RARB: variants seen among roughly 807,000 people sequenced by gnomAD.
RARB encodes retinoic acid receptor beta, also known as HBV-activated protein.
RARB carries 17 observed loss-of-function variants against 51.9 expected under a neutral mutation model. The ratio of observed to expected loss-of-function variants is 0.33; its 90% CI spans 0.22 to 0.49. The LOEUF (loss-of-function observed/expected upper bound fraction) is 0.49. RARB is among the 20% of genes least tolerant of loss of function. The pLI is 0.99. For synonymous variants in RARB, 215 were observed against 195.4 expected, an observed-to-expected ratio of 1.10 and a Z score of -0.84; for missense variants, 369 against 550.8, an observed-to-expected ratio of 0.67 and a Z score of 3.30.
At chr3:24,891,215 A>C (rs1703372078) in intron 2 of RARB, among the ~76,000 whole-genome samples, 5 of 152,170 alleles carry the variant, frequency 3.3e-5, no homozygotes, top group African/African-American at 1.2e-4. Flanking sequence ...TCCTTTCTAC[A>C]TATATTCCTA....
chr3:25,311,787 T>C (rs1345936885), intron 5 of RARB, among the ~76,000 whole-genome samples: 2 of 152,222 alleles, frequency 1.3e-5, no homozygotes. Flanking sequence ...AGGGCACATA[T>C]GGTACATAGA....
intron 2 of RARB, among the ~76,000 whole-genome samples, chr3:25,037,238 G>T (rs1410025173): frequency 1.3e-5 from 2 of 150,332 alleles, no homozygotes; most frequent in Non-Finnish European, 3.0e-5. Flanking sequence ...ATTAAAGCAC[G>T]TTTTAAAGGA....
At chr3:25,328,860 C>T (rs1349201469) in intron 5 of RARB, among the ~76,000 whole-genome samples, 1 of 152,192 alleles carries the variant, frequency 6.6e-6, no homozygotes, top group Non-Finnish European at 1.5e-5. Flanking sequence ...TAGCAAATGG[C>T]ACACCAGGAG....
At chr3:24,857,937 T>C (rs1481156585) in intron 1 of RARB, among the ~76,000 whole-genome samples, 1 of 151,990 alleles carries the variant, frequency 6.6e-6, no homozygotes, top group East Asian at 1.9e-4. Context: ...TCCCCGCCCC[T>C]CAACCAAAAA....
At chr3:25,108,569 C>T (rs1207194872) in intron 3 of RARB, among the ~76,000 whole-genome samples, 2 of 152,028 alleles carry the variant, frequency 1.3e-5, no homozygotes, top group South Asian at 2.1e-4. Context: ...GACTCAGTCG[C>T]GTGGTCACAT....
At chr3:25,238,148 G>GCCCC (rs138491550) in intron 5 of RARB, among the ~76,000 whole-genome samples, 1 of 149,424 alleles carries the variant, frequency 6.7e-6, no homozygotes, top group South Asian at 2.1e-4. Context: ...TCATCCTCCA[G>GCCCC]CGCCCCCCCA....
At chr3:25,149,027 G>A (rs913732451) in intron 4 of RARB, among the ~76,000 whole-genome samples, 1 of 152,128 alleles carries the variant, frequency 6.6e-6, no homozygotes, top group African/African-American at 2.4e-5. Context: ...ATGCTAAGGA[G>A]TCAGACTGGA....
intron 5 of RARB, among the ~76,000 whole-genome samples, chr3:25,421,219 G>A (rs1460990089): frequency 1.3e-5 from 2 of 151,684 alleles, no homozygotes; most frequent in African/African-American, 2.4e-5. Flanking sequence ...TAGAGAACTT[G>A]CCCTAATTAC....
intron 5 of RARB, among the ~76,000 whole-genome samples, chr3:25,204,058 G>T (rs144662966): frequency 6.6e-6 from 1 of 151,926 alleles, no homozygotes; most frequent in Non-Finnish European, 1.5e-5. Context: ...CATCACTTTC[G>T]GGTACACCAA....
rs1236068847 is a variant in RARB at position 25,403,859 on chromosome 3, G to C, written c.179-57334G>C. On this transcript the variant is annotated intron_variant, in intron 5 of 11. Transcript: ENST00000383772. ...ATTAGAAAAAAAAAAAAGATGCCAA[G>C]TGTCACAAGCTGTGAATTTCTTTTT... 6.9e-5 allele frequency among the ~76,000 whole-genome samples: 6 copies of C among 87,080 alleles called. No individual in the cohort carries two copies. In the Admixed American group the frequency reaches 8.9e-4, roughly 13 times the overall value. 57.1% of individuals were successfully genotyped at this position (87,080 alleles called of 152,430 possible).
At chr3:25,362,546 G>A (rs770393870) in intron 5 of RARB, among the ~76,000 whole-genome samples, 11 of 152,182 alleles carry the variant, frequency 7.2e-5, no homozygotes, top group Non-Finnish European at 1.0e-4. Context: ...CAGCTAGCTC[G>A]GTGACTGCCC....
chr3:25,440,530 T>C (rs544333113), intron 1 of RARB, among the ~76,000 whole-genome samples: 2 of 151,612 alleles, frequency 1.3e-5, no homozygotes, highest in East Asian at 3.9e-4. Context: ...CCCAGCACTT[T>C]GGGAGGCCGA....
At chr3:25,319,827 T>G (rs796643148) in intron 5 of RARB, among the ~76,000 whole-genome samples, 3 of 152,154 alleles carry the variant, frequency 2.0e-5, no homozygotes, top group Non-Finnish European at 2.9e-5. Context: ...CAGACATTTA[T>G]TGATTCAGGA....
At chr3:24,985,485 A>G (rs1462282226) in intron 2 of RARB, among the ~76,000 whole-genome samples, 1 of 152,172 alleles carries the variant, frequency 6.6e-6, no homozygotes, top group African/African-American at 2.4e-5. Flanking sequence ...TATTTAGTTA[A>G]TTGGTAACTT....
intron 3 of RARB, among the ~76,000 whole-genome samples, chr3:25,065,495 A>G (rs897861745): frequency 6.6e-6 from 1 of 152,220 alleles, no homozygotes. Context: ...TGATTCAAGC[A>G]CTGTAAAAGT....
intron 3 of RARB, among the ~76,000 whole-genome samples, chr3:25,512,692 C>G (rs970300324): frequency 6.6e-6 from 1 of 152,226 alleles, no homozygotes; most frequent in Non-Finnish European, 1.5e-5. Context: ...TGCGCACATA[C>G]ACGCGACACA....
chr3:25,533,385 A>G lies in RARB; in HGVS notation c.448+32062A>G, dbSNP rs1699006647. ...TGTAATAGCACCAAAGTCAATCGAA[A>G]ACACTAATGAGCCAAACTTAATGTG... On this transcript the variant is annotated intron_variant, in intron 3 of 7. Transcript: ENST00000330688. Among the ~76,000 whole-genome samples, 4 of 152,218 alleles carry G rather than the reference A, an allele frequency of 2.6e-5. No individual in the cohort carries two copies. The South Asian group carries it at 8.3e-4, about 32-fold the overall frequency.
chr3:25,258,962 G>A (rs890551095), intron 5 of RARB: 20 of 895,686 alleles, frequency 2.2e-5, no homozygotes, highest in African/African-American at 3.6e-5. Flanking sequence ...CCACACTGGG[G>A]ACCAAACCTC....
chr3:25,030,875 A>G (rs1697859322), intron 2 of RARB, among the ~76,000 whole-genome samples: 1 of 152,214 alleles, frequency 6.6e-6, no homozygotes, highest in African/African-American at 2.4e-5. Context: ...TACAAAACAA[A>G]ATCAAAAATT....
Sources: allele counts gnomAD v4.1 joint callset (sites outside exome capture counted in the v4.1 genomes callset), GRCh38; gene constraint gnomAD v4.1.1; transcripts MANE v1.5; gene names NCBI Gene and HGNC (gene_info 2026-07-23, HGNC 2026-07-21).